Variants in POLDIP3 observed in about 807,000 individuals in gnomAD.
POLDIP3 encodes the protein polymerase delta-interacting protein 3.
In POLDIP3, 14 loss-of-function variants were observed where a neutral mutation model predicts 45.1. The ratio of observed to expected loss-of-function variants is 0.31; its 90% CI spans 0.20 to 0.49. The LOEUF (loss-of-function observed/expected upper bound fraction) is 0.49. Among genes scored for constraint, POLDIP3 ranks in the 20% least tolerant of loss-of-function variants. The pLI, the probability that POLDIP3 is intolerant of heterozygous loss-of-function variation, is 0.99. For missense variants in POLDIP3, 511 were observed against 538.8 expected (o/e 0.95, Z 0.51); for synonymous variants, 223 against 205.2 (o/e 1.09, Z -0.74).
At position 42,596,169 on chromosome 22, in the gene POLDIP3, C is replaced by T. The variant is rs1925972579; in HGVS notation, c.813+17G>A. ...CCCTCCTGACCCCAACTGCTGCAGT[C>T]ACCACCATCACCTCACCTCAGCAGC... On this transcript the variant is annotated intron_variant, in intron 5 of 8. Transcript: ENST00000252115. The T allele has an allele frequency of 6.2e-7, 1 of 1,612,954 alleles. No homozygotes were observed. The highest frequency in any genetic ancestry group is 8.5e-7 in the Non-Finnish European group (1 of 1,179,464).
At position 42,602,725 on chromosome 22, in the gene POLDIP3, T is replaced by G. The variant is rs201224009; in HGVS notation, c.450+45A>C. Reference sequence around the variant, plus strand: ...TGGCACCTTGCCTCTAAATCTACCTTTGTTACTAGCTTTCTGGGAATTCAT... The same window carrying G: ...TGGCACCTTGCCTCTAAATCTACCTGTGTTACTAGCTTTCTGGGAATTCAT... On this transcript the variant is annotated intron_variant, in intron 2 of 8. Transcript: ENST00000252115. 3.4e-5 allele frequency: 53 copies of G among 1,547,734 alleles called. No individual in the cohort carries two copies. The African/African-American group carries it at 5.7e-4, about 17-fold the overall frequency.
At chr22:42,608,686 G>A (rs60444874) in intron 1 of POLDIP3, among the ~76,000 whole-genome samples, 8 of 152,160 alleles carry the variant, frequency 5.3e-5, no homozygotes, top group African/African-American at 1.9e-4. Context: ...CACGCACTGA[G>A]AACTCGCATA....
chr22:42,614,687 T>TC, intron 1 of POLDIP3, 112 bp downstream of exon 1: 1 of 1,220,928 alleles, frequency 8.2e-7, no homozygotes, highest in Non-Finnish European at 1.2e-6. Context: ...GCGGCTGTGG[T>TC]CGGGGGCGGG....
intron 4 of POLDIP3, chr22:42,597,871 CG>C: frequency 2.5e-6 from 1 of 401,304 alleles, no homozygotes; most frequent in Non-Finnish European, 5.0e-6. Flanking sequence ...ACCTCCACCT[CG>C]GGGTTCAAAC....
intron 7 of POLDIP3, among the ~76,000 whole-genome samples, chr22:42,588,740 T>C (rs1182791543): frequency 6.6e-6 from 1 of 151,746 alleles, no homozygotes; most frequent in Non-Finnish European, 1.5e-5. Flanking sequence ...GCGATTATCC[T>C]GCCTCAGCCT....
chr22:42,600,943 A>G (rs1263885505), intron 3 of POLDIP3, among the ~76,000 whole-genome samples: 1 of 151,688 alleles, frequency 6.6e-6, no homozygotes, highest in East Asian at 2.0e-4. Context: ...ATCTCTACAA[A>G]AATTAGCCAG....
intron 1 of POLDIP3, among the ~76,000 whole-genome samples, chr22:42,603,370 A>G (rs919544100): frequency 6.6e-6 from 1 of 152,212 alleles, no homozygotes; most frequent in East Asian, 1.9e-4. Flanking sequence ...AAGCAAAATT[A>G]AGAGAGAGGG....
intron 1 of POLDIP3, among the ~76,000 whole-genome samples, chr22:42,612,345 A>G (rs1038758892): frequency 1.3e-5 from 2 of 152,242 alleles, no homozygotes; most frequent in Admixed American, 6.5e-5. Context: ...AAGGCAAGGA[A>G]TGGTTAAGTA....
At chr22:42,605,819 C>G (rs754500559) in intron 1 of POLDIP3, among the ~76,000 whole-genome samples, 5 of 152,182 alleles carry the variant, frequency 3.3e-5, no homozygotes, top group Non-Finnish European at 4.4e-5. Context: ...CATAGACAAA[C>G]TGGGACTATG....
chr22:42,607,328 G>A (rs2146831522), intron 1 of POLDIP3, among the ~76,000 whole-genome samples: 1 of 152,376 alleles, frequency 6.6e-6, no homozygotes, highest in East Asian at 1.9e-4. Context: ...GGCCGGGCTG[G>A]TCTCCAGCTC....
intron 8 of POLDIP3, 83 bp downstream of exon 8, chr22:42,587,423 C>A (rs1198442622): frequency 1.5e-6 from 2 of 1,345,758 alleles, no homozygotes; most frequent in Non-Finnish European, 2.1e-6. Flanking sequence ...TGAAGGGGAG[C>A]TGTGATGCAG....
At chr22:42,594,931 A>C (rs1925892575) in intron 6 of POLDIP3, among the ~76,000 whole-genome samples, 2 of 152,198 alleles carry the variant, frequency 1.3e-5, no homozygotes, top group South Asian at 4.1e-4. Flanking sequence ...TATAGCATAG[A>C]TATCCCCTGA....
intron 3 of POLDIP3, among the ~76,000 whole-genome samples, chr22:42,601,091 T>C (rs985184836): frequency 1.3e-5 from 2 of 151,488 alleles, no homozygotes; most frequent in African/African-American, 2.4e-5. Flanking sequence ...TGAAACCCTG[T>C]ATCAAAAAAA....
At chr22:42,608,650 A>G (rs1479476832) in intron 1 of POLDIP3, among the ~76,000 whole-genome samples, 1 of 152,160 alleles carries the variant, frequency 6.6e-6, no homozygotes, top group Non-Finnish European at 1.5e-5. Context: ...AAGGGTGAGC[A>G]CAAGCAGCGA....
chr22:42,596,210 G>T lies in POLDIP3; in HGVS notation c.789C>A (p.Pro263=), dbSNP rs1021895484. 6.2e-7 allele frequency: 1 copy of T among 1,614,140 alleles called. No individual in the cohort carries two copies. Among genetic ancestry groups the T allele is most frequent in the Non-Finnish European group, 8.5e-7 (1 of 1,180,016 alleles). The stretch of plus-strand genomic sequence containing the variant: ...CCTCAGCAGCTGGCAGCTCTTTGGG[G>T]GGTTCTTCCTTGTTCACCAGTGTCC... ...MSRTLVNKEE[P]PKELPAAEPV... Residue 263 remains proline, a synonymous_variant, in exon 5 of 9, where the codon CCC becomes CCA. Coordinates refer to ENST00000252115, the MANE Select transcript of POLDIP3 (RefSeq NM_032311.5).
At chr22:42,614,747 A>T in intron 1 of POLDIP3, 52 bp downstream of exon 1, 2 of 1,590,594 alleles carry the variant, frequency 1.3e-6, no homozygotes, top group East Asian at 4.5e-5. Flanking sequence ...CCCCGCCTCG[A>T]GCTCCACTAG....
intron 1 of POLDIP3, among the ~76,000 whole-genome samples, chr22:42,610,042 C>CTACT (rs1337468487): frequency 6.6e-6 from 1 of 152,030 alleles, no homozygotes; most frequent in Non-Finnish European, 1.5e-5. Context: ...GGCGTAGTGG[C>CTACT]CCATGCCTGT....
intron 1 of POLDIP3, among the ~76,000 whole-genome samples, chr22:42,606,788 A>G (rs1225693459): frequency 6.6e-6 from 1 of 152,122 alleles, no homozygotes; most frequent in African/African-American, 2.4e-5. Flanking sequence ...AACCCCGTGA[A>G]TCAGGTTATT....
In POLDIP3 at chr22:42,588,922, T is replaced by TACA. The variant is rs532997643; in HGVS notation, c.1022-1353_1022-1351dup. Among the ~76,000 whole-genome samples, 62 of 152,252 alleles carry TACA rather than the reference T, an allele frequency of 4.1e-4. 2 individuals carry two copies. The South Asian group carries it at 0.013, about 31-fold the overall frequency. On this transcript the variant is annotated intron_variant, in intron 7 of 8. Coordinates refer to ENST00000252115, the MANE Select transcript of POLDIP3 (RefSeq NM_032311.5). ...GTGCCCAGCCTAGGAAACACATTTT[T>TACA]ACAGTTGATGAGAGAAAAAGATTGA...
Sources: allele counts gnomAD v4.1 joint callset (sites outside exome capture counted in the v4.1 genomes callset), GRCh38; gene constraint gnomAD v4.1.1; transcripts MANE v1.5; gene names NCBI Gene and HGNC (gene_info 2026-07-23, HGNC 2026-07-21).